Variants in GLG1 observed in about 807,000 individuals in gnomAD.
The protein encoded by GLG1 is golgi glycoprotein 1.
Under a neutral mutation model 160.5 loss-of-function variants are expected in GLG1, and 38 were observed. The ratio of observed to expected loss-of-function variants is 0.24; its 90% CI spans 0.18 to 0.31. The LOEUF is 0.31. Ranked by LOEUF, GLG1 falls within the 10% of genes least tolerant of loss-of-function variation. The probability of loss-of-function intolerance (pLI) is 1.00; values close to 1 mark genes in which losing one functional copy is unlikely to be tolerated. For synonymous variants in GLG1, 644 were observed against 543.4 expected, an observed-to-expected ratio of 1.19 and a Z score of -2.57; for missense variants, 1,373 against 1,505.2, an observed-to-expected ratio of 0.91 and a Z score of 1.45.
chr16:74,468,582 GT>G, intron 17 of GLG1: 1 of 210,334 alleles, frequency 4.8e-6, no homozygotes. Flanking sequence ...GGCCAGGCTG[GT>G]TTTGAACTCC....
chr16:74,465,622 T>C, intron 19 of GLG1, 54 bp downstream of exon 19: 1 of 1,581,490 alleles, frequency 6.3e-7, no homozygotes, highest in Admixed American at 1.7e-5. Context: ...CCATTGTTTG[T>C]GCTTTGTTGT....
At chr16:74,495,106 C>CTTT (rs5817913) in intron 5 of GLG1, among the ~76,000 whole-genome samples, 6 of 83,238 alleles carry the variant, frequency 7.2e-5, no homozygotes, top group Non-Finnish European at 1.4e-4. Context: ...GAGTCTGAGT[C>CTTT]TTTTTTTTTT....
At position 74,502,279 on chromosome 16, in the gene GLG1, G is replaced by C. The variant is rs892480871; in HGVS notation, c.774+1252C>G. Reference sequence around the variant, plus strand: ...CATTTTTGCTGAGCAAACAAATTCAGAATAAACCTGGCCAGATCTCTATTG... The same window carrying C: ...CATTTTTGCTGAGCAAACAAATTCACAATAAACCTGGCCAGATCTCTATTG... On this transcript the variant is annotated intron_variant, in intron 4 of 25. Coordinates refer to ENST00000422840, the MANE Select transcript of GLG1 (RefSeq NM_001145667.2). Among the ~76,000 whole-genome samples, 5 of 152,200 alleles carry C rather than the reference G, an allele frequency of 3.3e-5. No individual in the cohort carries two copies. In the East Asian group the frequency reaches 7.7e-4, roughly 24 times the overall value.
intron 1 of GLG1, among the ~76,000 whole-genome samples, chr16:74,547,567 G>C (rs1402035189): frequency 6.6e-6 from 1 of 152,214 alleles, no homozygotes; most frequent in Admixed American, 6.5e-5. Context: ...TCTAATTCCT[G>C]TTCTACCAGT....
At chr16:74,479,195 G>C (rs544322971) in intron 11 of GLG1, among the ~76,000 whole-genome samples, 1 of 141,484 alleles carries the variant, frequency 7.1e-6, no homozygotes, top group African/African-American at 2.7e-5. Flanking sequence ...CTGCACTCCA[G>C]CCTGGGGTGC....
chr16:74,484,204 G>C (rs1376280824), intron 9 of GLG1, among the ~76,000 whole-genome samples: 1 of 152,124 alleles, frequency 6.6e-6, no homozygotes, highest in Non-Finnish European at 1.5e-5. Context: ...TGAACAGCAG[G>C]AGTTCTTGCA....
At chr16:74,484,629 C>A (rs543690156) in intron 9 of GLG1, among the ~76,000 whole-genome samples, 2 of 152,082 alleles carry the variant, frequency 1.3e-5, no homozygotes, top group Admixed American at 1.3e-4. Context: ...GGCATGGTGT[C>A]ATGTGCCTGC....
At chr16:74,527,303 G>C (rs948888543) in intron 2 of GLG1, among the ~76,000 whole-genome samples, 9 of 136,770 alleles carry the variant, frequency 6.6e-5, no homozygotes, top group African/African-American at 1.9e-4. Context: ...AGGATGGAGT[G>C]CAATGGCGCT....
rs1273736782 is a variant in GLG1 at position 74,463,345 on chromosome 16, C to G, written c.2791+11G>C. The G allele has an allele frequency of 6.2e-7, 1 of 1,613,856 alleles. No homozygotes were observed. Among genetic ancestry groups the G allele is most frequent in the Non-Finnish European group, 8.5e-7 (1 of 1,179,948 alleles). Reference sequence around the variant, plus strand: ...CTCCACGGGGCCAGGAGAGCCAAGCCAAGATCTTACCTGTGTTCTGGGTGA... The same window carrying G: ...CTCCACGGGGCCAGGAGAGCCAAGCGAAGATCTTACCTGTGTTCTGGGTGA... On this transcript the variant is annotated intron_variant, in intron 20 of 25. Coordinates refer to ENST00000422840, the MANE Select transcript of GLG1 (RefSeq NM_001145667.2).
chr16:74,529,332 G>GAA (rs2017451614), intron 2 of GLG1, among the ~76,000 whole-genome samples: 1 of 151,670 alleles, frequency 6.6e-6, no homozygotes, highest in African/African-American at 2.4e-5. Context: ...CTTAATTTCT[G>GAA]AAATTACATT....
intron 1 of GLG1, among the ~76,000 whole-genome samples, chr16:74,543,402 G>A (rs573910341): frequency 1.3e-5 from 2 of 152,334 alleles, no homozygotes; most frequent in East Asian, 1.9e-4. Flanking sequence ...AGGAGTTGGA[G>A]GCAGTAATGT....
intron 4 of GLG1, among the ~76,000 whole-genome samples, chr16:74,498,631 GA>G (rs2016298851): frequency 6.7e-6 from 1 of 148,808 alleles, no homozygotes; most frequent in Non-Finnish European, 1.5e-5. Flanking sequence ...TTGGGAGGCC[GA>G]GGCGGGTGGA....
intron 25 of GLG1, 48 bp downstream of exon 25, chr16:74,456,601 T>C: frequency 9.1e-7 from 1 of 1,101,110 alleles, no homozygotes; most frequent in East Asian, 2.3e-5. Context: ...GGTGAAGTGT[T>C]CCATATTTTT....
At position 74,563,637 on chromosome 16, in the gene GLG1, GA is replaced by G. The variant is rs368495690; in HGVS notation, c.439-31485del. The stretch of plus-strand genomic sequence containing the variant: ...AGCTATTTGCGAGGCTGAGGTGGGA[GA>G]ACTGCTTGAACCCAGGAGGCAGAGG... On this transcript the variant is annotated intron_variant, in intron 1 of 25. Transcript: ENST00000422840. Among the ~76,000 whole-genome samples, 1,034 of 149,766 alleles carry G rather than the reference GA, an allele frequency of 6.9e-3. 1 individual carries two copies. Among genetic ancestry groups the G allele is most frequent in the Non-Finnish European group, 8.2e-3 (556 of 67,802 alleles).
chr16:74,484,338 G>C (rs754133439), intron 9 of GLG1, among the ~76,000 whole-genome samples: 1 of 151,740 alleles, frequency 6.6e-6, no homozygotes, highest in African/African-American at 2.4e-5. Context: ...TTTTGTTTTT[G>C]TTTTTGTTTT....
intron 11 of GLG1, among the ~76,000 whole-genome samples, chr16:74,478,427 T>C (rs1468579649): frequency 2.0e-5 from 3 of 152,126 alleles, no homozygotes; most frequent in South Asian, 4.1e-4. Context: ...AAAGCTGTTA[T>C]TGACAGATAC....
intron 25 of GLG1, among the ~76,000 whole-genome samples, chr16:74,456,292 C>T (rs906611196): frequency 6.6e-6 from 1 of 152,180 alleles, no homozygotes; most frequent in Admixed American, 6.5e-5. Context: ...TCCAGGCTCA[C>T]GGGCAGCCAA....
intron 19 of GLG1, 110 bp downstream of exon 19, chr16:74,465,566 G>A (rs1393322807): frequency 1.7e-5 from 19 of 1,098,248 alleles, no homozygotes; most frequent in South Asian, 2.9e-5. Flanking sequence ...GCTGCTGCTC[G>A]TCTAGGGACC....
intron 16 of GLG1, 53 bp downstream of exon 16, chr16:74,469,932 G>C: frequency 8.8e-7 from 1 of 1,134,602 alleles, no homozygotes; most frequent in Non-Finnish European, 1.3e-6. Context: ...TACTCATTCC[G>C]GAGCTAAGAG....
Sources: gnomAD v4.1 joint callset for allele counts (sites outside exome capture counted in the v4.1 genomes callset) on GRCh38, gnomAD v4.1.1 for gene constraint, MANE v1.5 for transcripts, NCBI Gene and HGNC (gene_info 2026-07-23, HGNC 2026-07-21) for gene names.